CNTNAP2: variants seen among roughly 807,000 people sequenced by gnomAD.
CNTNAP2 encodes contactin associated protein 2, also known as contactin-associated protein-like 2.
CNTNAP2 carries 98 observed loss-of-function variants against 155.2 expected under a neutral mutation model. The observed-to-expected ratio is 0.63, with a 90% confidence interval of 0.54 to 0.75. The LOEUF is 0.75. Among genes scored for constraint, CNTNAP2 ranks in the 30% least tolerant of loss-of-function variants. The pLI is 0.00. For synonymous variants in CNTNAP2, 651 were observed against 631.2 expected (o/e 1.03, Z -0.47); for missense variants, 1,727 against 1,688.1 (o/e 1.02, Z -0.40).
intron 11 of CNTNAP2, among the ~76,000 whole-genome samples, chr7:147,491,687 C>G (rs1235545162): frequency 6.6e-6 from 1 of 152,108 alleles, no homozygotes; most frequent in Non-Finnish European, 1.5e-5. Context: ...TCCAGAGCAA[C>G]AGTGTTTTCT....
At chr7:147,158,660 T>C (rs865976051) in intron 8 of CNTNAP2, among the ~76,000 whole-genome samples, 3 of 152,040 alleles carry the variant, frequency 2.0e-5, no homozygotes, top group Admixed American at 6.6e-5. Context: ...GTGATTTTTC[T>C]TCAATATCAA....
At chr7:146,956,737 A>G (rs965537882) in intron 3 of CNTNAP2, among the ~76,000 whole-genome samples, 2 of 152,144 alleles carry the variant, frequency 1.3e-5, no homozygotes, top group African/African-American at 4.8e-5. Context: ...CTTGTAAGCG[A>G]CTAAATGGCT....
At chr7:147,898,204 A>G (rs1420838229) in intron 13 of CNTNAP2, among the ~76,000 whole-genome samples, 1 of 152,234 alleles carries the variant, frequency 6.6e-6, no homozygotes, top group Non-Finnish European at 1.5e-5. Context: ...TTTCAAATTC[A>G]GAGGGCTTGC....
intron 21 of CNTNAP2, among the ~76,000 whole-genome samples, chr7:148,372,621 T>C (rs1016290168): frequency 5.3e-5 from 8 of 152,032 alleles, no homozygotes; most frequent in South Asian, 2.1e-4. Flanking sequence ...GGCAGGAGAA[T>C]TGCTTGAACC....
intron 3 of CNTNAP2, among the ~76,000 whole-genome samples, chr7:146,998,576 T>A (rs1798355327): frequency 6.6e-6 from 1 of 151,996 alleles, no homozygotes; most frequent in South Asian, 2.1e-4. Context: ...TTCAACATGA[T>A]GTTTCTATGT....
In CNTNAP2 at chr7:146,557,230, G is replaced by C. The variant is rs1326763846; in HGVS notation, c.98-217041G>C. 3.3e-5 allele frequency among the ~76,000 whole-genome samples: 5 copies of C among 152,046 alleles called. No individual in the cohort carries two copies. The East Asian group carries it at 9.7e-4, about 29-fold the overall frequency. On this transcript the variant is annotated intron_variant, in intron 1 of 23. Transcript: ENST00000361727. ...CCGATATTTAGATTATGAAGGCAAA[G>C]AAACTATGGAGAGGATAAGACAGGA...
At chr7:147,509,050 C>T (rs1037826814) in intron 11 of CNTNAP2, among the ~76,000 whole-genome samples, 7 of 152,124 alleles carry the variant, frequency 4.6e-5, no homozygotes, top group African/African-American at 1.4e-4. Flanking sequence ...TTAACCTTTA[C>T]CCAGTTCCCA....
intron 3 of CNTNAP2, among the ~76,000 whole-genome samples, chr7:146,931,839 G>C (rs1471625906): frequency 6.6e-6 from 1 of 152,138 alleles, no homozygotes; most frequent in Non-Finnish European, 1.5e-5. Context: ...AAATCTAGAA[G>C]AAATGGATAC....
chr7:146,809,941 C>A (rs79634042), intron 2 of CNTNAP2, among the ~76,000 whole-genome samples: 2 of 152,196 alleles, frequency 1.3e-5, no homozygotes, highest in East Asian at 1.9e-4. Context: ...TGGCAAGAAG[C>A]TTTTCCCCTA....
At chr7:146,195,058 T>C (rs1253530792) in intron 1 of CNTNAP2, 1 of 152,246 alleles carries the variant, frequency 6.6e-6, no homozygotes, top group Non-Finnish European at 1.5e-5. Flanking sequence ...ATAAAGAATA[T>C]GGGAGAATTA....
intron 2 of CNTNAP2, among the ~76,000 whole-genome samples, chr7:146,794,076 A>C (rs912044005): frequency 1.3e-5 from 2 of 152,156 alleles, no homozygotes; most frequent in Non-Finnish European, 2.9e-5. Context: ...GCTGAAAGCA[A>C]ATCCCTTTTG....
intron 1 of CNTNAP2, among the ~76,000 whole-genome samples, chr7:146,760,355 C>T (rs940734024): frequency 4.1e-5 from 6 of 145,144 alleles, no homozygotes; most frequent in Non-Finnish European, 8.9e-5. Context: ...ACTTTCTTCT[C>T]TTGTCATTCC....
At chr7:146,186,283 C>T (rs992397086) in intron 1 of CNTNAP2, among the ~76,000 whole-genome samples, 1 of 152,126 alleles carries the variant, frequency 6.6e-6, no homozygotes, top group Non-Finnish European at 1.5e-5. Context: ...CCTTTACCTT[C>T]ATTCCCCCAA....
intron 5 of CNTNAP2, among the ~76,000 whole-genome samples, chr7:147,118,372 CAAA>C: frequency 6.6e-6 from 1 of 151,354 alleles, no homozygotes; most frequent in East Asian, 1.9e-4. Flanking sequence ...ATTACAATGT[CAAA>C]AATTGGGAAA....
chr7:147,360,453 T>C (rs1450234783), intron 9 of CNTNAP2, among the ~76,000 whole-genome samples: 1 of 152,198 alleles, frequency 6.6e-6, no homozygotes, highest in Non-Finnish European at 1.5e-5. Context: ...TACCAGTCCC[T>C]ATCTTTAAAG....
chr7:147,506,997 G>A (rs1798918283), intron 11 of CNTNAP2, among the ~76,000 whole-genome samples: 1 of 151,956 alleles, frequency 6.6e-6, no homozygotes, highest in Non-Finnish European at 1.5e-5. Flanking sequence ...TACCTTGTAA[G>A]TTGTTTTCTT....
chr7:148,131,157 G>A (rs1447981268), intron 16 of CNTNAP2, among the ~76,000 whole-genome samples: 2 of 136,938 alleles, frequency 1.5e-5, no homozygotes, highest in Non-Finnish European at 3.0e-5. Context: ...GTGCAGTGGT[G>A]CAATCTCAGC....
chr7:146,396,783 A>G (rs1460514291), intron 1 of CNTNAP2, among the ~76,000 whole-genome samples: 1 of 151,472 alleles, frequency 6.6e-6, no homozygotes, highest in Non-Finnish European at 1.5e-5. Flanking sequence ...CAGTACTAGC[A>G]TGCTAAATAT....
intron 8 of CNTNAP2, among the ~76,000 whole-genome samples, chr7:147,212,157 A>T (rs1264732778): frequency 6.6e-6 from 1 of 152,146 alleles, no homozygotes; most frequent in African/African-American, 2.4e-5. Flanking sequence ...TAGGAATATA[A>T]ATTAGCCCAT....
Sources: allele counts gnomAD v4.1 joint callset (sites outside exome capture counted in the v4.1 genomes callset), GRCh38; gene constraint gnomAD v4.1.1; transcripts MANE v1.5; gene names NCBI Gene and HGNC (gene_info 2026-07-23, HGNC 2026-07-21).